Variants in SOD2 observed in about 807,000 individuals in gnomAD.
SOD2 encodes superoxide dismutase 2.
SOD2 carries 11 observed loss-of-function variants against 27.0 expected under a neutral mutation model. That is an observed-to-expected ratio of 0.41 (90% CI 0.26 to 0.67). SOD2 has a LOEUF of 0.67. Among genes scored for constraint, SOD2 ranks in the 30% least tolerant of loss-of-function variants. The probability of loss-of-function intolerance (pLI) is 0.34; values close to 1 mark genes in which losing one functional copy is unlikely to be tolerated. For missense variants in SOD2, 250 were observed against 274.5 expected (o/e 0.91, Z 0.63); for synonymous variants, 105 against 103.0 (o/e 1.02, Z -0.12).
At chr6:159,718,050 A>G (rs1777956883) in intron 1 of SOD2, among the ~76,000 whole-genome samples, 1 of 151,790 alleles carries the variant, frequency 6.6e-6, no homozygotes, top group Non-Finnish European at 1.5e-5. Flanking sequence ...TGGAATGCAG[A>G]GGTGCATTCA....
At chr6:159,693,112 T>C (rs1331226343) in intron 1 of SOD2, 33 bp downstream of exon 1, 2 of 1,526,358 alleles carry the variant, frequency 1.3e-6, no homozygotes, top group African/African-American at 2.9e-5. Flanking sequence ...CCCTTCGCCC[T>C]TGGGGCCGTG....
chr6:159,701,161 T>G (rs1777516890), intron 1 of SOD2, among the ~76,000 whole-genome samples: 1 of 152,120 alleles, frequency 6.6e-6, no homozygotes, highest in South Asian at 2.1e-4. Flanking sequence ...GAAACCATGG[T>G]TAGCATGCTC....
chr6:159,733,838 C>T (rs1390925592), intron 1 of SOD2, among the ~76,000 whole-genome samples: 2 of 152,124 alleles, frequency 1.3e-5, no homozygotes, highest in Non-Finnish European at 2.9e-5. Flanking sequence ...ATTGCTTGAA[C>T]CCAGGAGGCG....
chr6:159,726,657 G>A (rs1235884743), intron 1 of SOD2: 8 of 701,610 alleles, frequency 1.1e-5, no homozygotes, highest in Admixed American at 3.3e-5. Context: ...AAACCTCACA[G>A]GGCCGCCTTC....
chr6:159,684,486 A>G (rs1429957757), intron 4 of SOD2, among the ~76,000 whole-genome samples: 1 of 152,018 alleles, frequency 6.6e-6, no homozygotes, highest in Non-Finnish European at 1.5e-5. Flanking sequence ...GCATGGTGGT[A>G]TGTGCCTGTA....
At chr6:159,686,505 G>A (rs965587645) in intron 3 of SOD2, among the ~76,000 whole-genome samples, 12 of 152,100 alleles carry the variant, frequency 7.9e-5, no homozygotes, top group African/African-American at 2.2e-4. Context: ...AAAATTAGCC[G>A]GGCATGGTGG....
intron 1 of SOD2, among the ~76,000 whole-genome samples, chr6:159,757,410 T>TC (rs1780038280): frequency 7.1e-6 from 1 of 140,054 alleles, no homozygotes; most frequent in Admixed American, 8.1e-5. Flanking sequence ...TTCTTTTTTT[T>TC]CTTTTTCTCT....
At chr6:159,745,647 C>G (rs1228673990), upstream of SOD2, among the ~76,000 whole-genome samples, 3 of 152,028 alleles carry the variant, frequency 2.0e-5, no homozygotes, top group East Asian at 5.8e-4. Context: ...CTTGGGTATT[C>G]TAGAAGAGAG....
upstream of SOD2, chr6:159,727,373 C>CAGGCGGG: frequency 1.6e-6 from 1 of 623,036 alleles, no homozygotes; most frequent in Non-Finnish European, 2.1e-6. Flanking sequence ...AGCGGGGAGG[C>CAGGCGGG]TGGCGGGAGG....
chr6:159,744,807 G>C (rs1208080807), intron 1 of SOD2, among the ~76,000 whole-genome samples: 1 of 151,920 alleles, frequency 6.6e-6, no homozygotes, highest in Non-Finnish European at 1.5e-5. Context: ...TCAGCTTCCC[G>C]AGTAACTGAT....
In SOD2 at chr6:159,676,030, A is replaced by G. The variant is rs1779771651; in HGVS notation, c.*6463T>C. On this transcript the variant is annotated 3_prime_UTR_variant, in exon 5 of 5. Coordinates refer to ENST00000538183, the MANE Select transcript of SOD2 (RefSeq NM_000636.4). The stretch of plus-strand genomic sequence containing the variant: ...ATCATGGGCCATCAGAGAAATGCAA[A>G]TCAAAACCACAATGAGATACCATCT... The G allele has an allele frequency of 1.3e-5, 2 of 152,238 alleles. No homozygotes were observed. Among genetic ancestry groups the G allele is most frequent in the Admixed American group, 1.3e-4 (2 of 15,286 alleles). 9.4% of individuals were successfully genotyped at this position (152,238 alleles called of 1,614,324 possible). A position where few individuals can be genotyped will look rare whatever the true frequency, so the allele number is the denominator to read the frequency against.
chr6:159,732,884 ATAGTGTGTGT>A (rs1778668356), intron 1 of SOD2, among the ~76,000 whole-genome samples: 1 of 83,418 alleles, frequency 1.2e-5, no homozygotes, highest in African/African-American at 5.7e-5. Flanking sequence ...GTATATATAT[ATAGTGTGTGT>A]GTGTGTGTGT....
At chr6:159,727,373 C>CCGGCAGG (rs766462112), upstream of SOD2, 1 of 623,036 alleles carries the variant, frequency 1.6e-6, no homozygotes, top group South Asian at 2.2e-5. Context: ...AGCGGGGAGG[C>CCGGCAGG]TGGCGGGAGG....
At chr6:159,713,248 A>G in intron 1 of SOD2, 1 of 741,382 alleles carries the variant, frequency 1.3e-6, no homozygotes, top group South Asian at 1.7e-5. Context: ...CATATCCATC[A>G]TTACAGCCAC....
chr6:159,759,247 CAG>C (rs1325676513), intron 1 of SOD2, among the ~76,000 whole-genome samples: 12 of 150,384 alleles, frequency 8.0e-5, no homozygotes, highest in East Asian at 8.0e-4. Context: ...TTAGTAGAGA[CAG>C]AGTTTCTGCA....
At chr6:159,729,285 A>G (rs1161908653), upstream of SOD2, among the ~76,000 whole-genome samples, 1 of 152,194 alleles carries the variant, frequency 6.6e-6, no homozygotes, top group Non-Finnish European at 1.5e-5. Flanking sequence ...AAGACTGAAG[A>G]TAGTATTTTG....
intron 1 of SOD2, among the ~76,000 whole-genome samples, chr6:159,736,101 A>G (rs1778896121): frequency 6.6e-6 from 1 of 152,196 alleles, no homozygotes; most frequent in African/African-American, 2.4e-5. Context: ...ACTTTTTTGT[A>G]AATCTAAAAC....
At position 159,703,113 on chromosome 6, in the gene SOD2, G is replaced by A. The variant is rs141947307; in HGVS notation, c.-115-10250C>T. ...GCAGATCACCTGAGGTTGGGAGTTC[G>A]AGACCAGCCTGACCAACATGGAGAG... On this transcript the variant is annotated intron_variant, in intron 1 of 2. Transcript: ENST00000401980. Among the ~76,000 whole-genome samples the A allele has an allele frequency of 6.4e-3, 977 of 152,198 alleles. 12 individuals are homozygous for A. The highest frequency in any genetic ancestry group is 0.023 in the African/African-American group (941 of 41,530).
In SOD2 at chr6:159,693,184, C is replaced by T. The variant is rs986772809; in HGVS notation, c.-17G>A. 1.3e-6 allele frequency: 2 copies of T among 1,526,502 alleles called. No individual in the cohort carries two copies. Among genetic ancestry groups the T allele is most frequent in the Non-Finnish European group, 1.8e-6 (2 of 1,136,346 alleles). The allele number at this position is 1,526,502 out of a possible 1,614,324, so 94.6% of individuals were successfully genotyped here. Reference sequence around the variant, plus strand: ...GCTCAACATGCTGCTAGTGCTGGTGCTACCGCTGATGCCGCCGATCTGCTG... The same window carrying T: ...GCTCAACATGCTGCTAGTGCTGGTGTTACCGCTGATGCCGCCGATCTGCTG... On this transcript the variant is annotated 5_prime_UTR_variant, in exon 1 of 5. Coordinates refer to ENST00000538183, the MANE Select transcript of SOD2 (RefSeq NM_000636.4).
Sources: gnomAD v4.1 joint callset for allele counts (sites outside exome capture counted in the v4.1 genomes callset) on GRCh38, gnomAD v4.1.1 for gene constraint, MANE v1.5 for transcripts, NCBI Gene and HGNC (gene_info 2026-07-23, HGNC 2026-07-21) for gene names.